DNTT: variants seen among roughly 807,000 people sequenced by gnomAD.
The protein encoded by DNTT is nucleosidetriphosphate:DNA deoxynucleotidylexotransferase.
DNTT carries 47 observed loss-of-function variants against 60.9 expected under a neutral mutation model. That is an observed-to-expected ratio of 0.77 (90% CI 0.61 to 0.98). The LOEUF is 0.98. DNTT is among the 50% of genes least tolerant of loss of function. The probability of loss-of-function intolerance (pLI) is 0.00; values close to 1 mark genes in which losing one functional copy is unlikely to be tolerated. For synonymous variants in DNTT, 224 were observed against 221.2 expected (o/e 1.01, Z -0.11); for missense variants, 665 against 627.5 (o/e 1.06, Z -0.64).
chr10:96,325,090 C>G (rs1844924563), intron 6 of DNTT, among the ~76,000 whole-genome samples: 1 of 151,960 alleles, frequency 6.6e-6, no homozygotes, highest in South Asian at 2.1e-4. Flanking sequence ...TTATGAGGCT[C>G]CCAGTAAGTT....
chr10:96,332,214 A>G, intron 8 of DNTT, 137 bp from the exon 9 acceptor site: 2 of 1,190,980 alleles, frequency 1.7e-6, no homozygotes, highest in Non-Finnish European at 2.3e-6. Context: ...TAGTGTTTGC[A>G]GGTGGGCCTT....
chr10:96,326,544 C>T (rs1226174796), intron 6 of DNTT, among the ~76,000 whole-genome samples: 3 of 152,084 alleles, frequency 2.0e-5, no homozygotes, highest in Non-Finnish European at 4.4e-5. Flanking sequence ...TCCACAATCC[C>T]AGGGTGAGAA....
At chr10:96,314,451 C>T (rs185742083) in intron 1 of DNTT, among the ~76,000 whole-genome samples, 193 of 91,048 alleles carry the variant, frequency 2.1e-3, no homozygotes, top group Admixed American at 4.2e-3. Flanking sequence ...TTCGCTCTGT[C>T]GCCCAGGCTG....
intron 3 of DNTT, 33 bp from the exon 4 acceptor site, chr10:96,320,585 C>A (rs926697230): frequency 1.9e-6 from 3 of 1,609,060 alleles, no homozygotes; most frequent in Non-Finnish European, 1.7e-6. Context: ...GGCTTGGAAG[C>A]AAATCTCCTG....
At chr10:96,336,559 A>G (rs897377359) in intron 10 of DNTT, among the ~76,000 whole-genome samples, 8 of 152,130 alleles carry the variant, frequency 5.3e-5, no homozygotes, top group East Asian at 3.8e-4. Flanking sequence ...TAAATATCCA[A>G]CTGTTAAATC....
At position 96,320,149 on chromosome 10, in the gene DNTT, G is replaced by A. The variant is rs77987757; in HGVS notation, c.508-469G>A. On this transcript the variant is annotated intron_variant, in intron 3 of 10. Coordinates refer to ENST00000371174, the MANE Select transcript of DNTT (RefSeq NM_004088.4). ...TTCCTCCCCTGCTAGAAATACAAAC[G>A]TGCCCTACCTTAAATAATCCTGGCT... Among the ~76,000 whole-genome samples the A allele has an allele frequency of 4.8e-3, 726 of 152,276 alleles. 7 individuals carry two copies. The highest frequency in any genetic ancestry group is 0.016 in the African/African-American group (670 of 41,562).
chr10:96,327,378 C>G, intron 6 of DNTT, 90 bp from the exon 7 acceptor site: 1 of 1,583,970 alleles, frequency 6.3e-7, no homozygotes, highest in Non-Finnish European at 8.7e-7. Flanking sequence ...CATGTTAGCT[C>G]TATCGTGGGG....
intron 6 of DNTT, among the ~76,000 whole-genome samples, chr10:96,324,987 G>T (rs915828975): frequency 1.3e-5 from 2 of 152,180 alleles, no homozygotes; most frequent in African/African-American, 4.8e-5. Flanking sequence ...TTTCGCCTAA[G>T]ACAAGACCGT....
chr10:96,336,768 C>T (rs575426851), intron 10 of DNTT, among the ~76,000 whole-genome samples: 98 of 151,822 alleles, frequency 6.5e-4, no homozygotes, highest in African/African-American at 2.3e-3. Flanking sequence ...ATGGTGAAAC[C>T]CCATCTCTAC....
At chr10:96,311,845 T>A (rs542447992) in intron 1 of DNTT, among the ~76,000 whole-genome samples, 1 of 152,178 alleles carries the variant, frequency 6.6e-6, no homozygotes, top group Non-Finnish European at 1.5e-5. Flanking sequence ...GGTTTCACCA[T>A]GTTAGCCAGG....
intron 1 of DNTT, among the ~76,000 whole-genome samples, chr10:96,316,735 C>T (rs1340882046): frequency 6.6e-6 from 1 of 152,178 alleles, no homozygotes; most frequent in African/African-American, 2.4e-5. Flanking sequence ...GCTGCCTCTC[C>T]CAGCTTACAC....
chr10:96,322,636 T>C, intron 4 of DNTT, 21 bp from the exon 5 acceptor site: 1 of 1,571,114 alleles, frequency 6.4e-7, no homozygotes, highest in African/African-American at 1.4e-5. Context: ...TAATTTAAAA[T>C]ATTTTTCAAC....
At chr10:96,337,756 G>A (rs996809471) in intron 10 of DNTT, among the ~76,000 whole-genome samples, 1 of 152,270 alleles carries the variant, frequency 6.6e-6, no homozygotes, top group African/African-American at 2.4e-5. Flanking sequence ...TACCCAGTGC[G>A]TTCAGATAGA....
At chr10:96,325,005 C>T (rs1680515609) in intron 6 of DNTT, among the ~76,000 whole-genome samples, 1 of 152,292 alleles carries the variant, frequency 6.6e-6, no homozygotes, top group East Asian at 1.9e-4. Flanking sequence ...CGTGGTGGGA[C>T]ATGAGTGCTG....
rs372058929 is a variant in DNTT at position 96,319,330 on chromosome 10, G to T, written c.447G>T (p.Lys149Asn). ...PPKTPPIAVQKISQYACQRRT... is the reference protein window; with the variant it reads ...PPKTPPIAVQNISQYACQRRT... Reference sequence around the variant, plus strand: ...AGACTCCACCAATTGCTGTACAAAAGATCTCCCAGTATGCGTGTCAGAGAA... The same window carrying T: ...AGACTCCACCAATTGCTGTACAAAATATCTCCCAGTATGCGTGTCAGAGAA... Residue 149 changes from lysine (K) to asparagine (N), a missense_variant, in exon 3 of 11, where the codon AAG becomes AAT. Coordinates refer to ENST00000371174, the MANE Select transcript of DNTT (RefSeq NM_004088.4). 6.1e-5 allele frequency: 99 copies of T among 1,613,746 alleles called. No homozygotes were observed. Among genetic ancestry groups the T allele is most frequent in the East Asian group, 4.7e-4 (21 of 44,898 alleles).
intron 1 of DNTT, among the ~76,000 whole-genome samples, chr10:96,309,657 G>A (rs1291099906): frequency 6.6e-6 from 1 of 152,076 alleles, no homozygotes; most frequent in Non-Finnish European, 1.5e-5. Context: ...CAATCTCATG[G>A]TAGTAAAATG....
At chr10:96,324,456 A>G (rs1182375891) in intron 6 of DNTT, 67 bp downstream of exon 6, 8 of 1,593,252 alleles carry the variant, frequency 5.0e-6, no homozygotes, top group South Asian at 1.1e-5. Context: ...GCTCTAAGTC[A>G]GTTACACTGC....
At chr10:96,325,369 C>T (rs1052041918) in intron 6 of DNTT, among the ~76,000 whole-genome samples, 13 of 152,174 alleles carry the variant, frequency 8.5e-5, no homozygotes, top group African/African-American at 2.7e-4. Context: ...GGATGATTTA[C>T]ACCAGTTCTC....
At chr10:96,309,575 A>T (rs1844684640) in intron 1 of DNTT, among the ~76,000 whole-genome samples, 1 of 151,990 alleles carries the variant, frequency 6.6e-6, no homozygotes, top group Non-Finnish European at 1.5e-5. Flanking sequence ...CCATTCAGTC[A>T]TTATATAATG....
Sources: allele counts gnomAD v4.1 joint callset (sites outside exome capture counted in the v4.1 genomes callset), GRCh38; gene constraint gnomAD v4.1.1; transcripts MANE v1.5; gene names NCBI Gene and HGNC (gene_info 2026-07-23, HGNC 2026-07-21).